RORA: variants seen among roughly 807,000 people sequenced by gnomAD.
RORA encodes RAR related orphan receptor A, also known as nuclear receptor ROR-alpha.
A neutral mutation model predicts 69.5 loss-of-function variants in RORA; 7 were observed. The ratio of observed to expected loss-of-function variants is 0.10; its 90% CI spans 0.06 to 0.19. RORA has a LOEUF of 0.19. Ranked by LOEUF, RORA falls within the 10% of genes least tolerant of loss-of-function variation. The pLI, the probability that RORA is intolerant of heterozygous loss-of-function variation, is 1.00. For synonymous variants in RORA, 261 were observed against 240.8 expected (o/e 1.08, Z -0.78); for missense variants, 457 against 663.0 (o/e 0.69, Z 3.41).
chr15:61,088,013 C>T (rs2078650540), intron 1 of RORA, among the ~76,000 whole-genome samples: 1 of 152,264 alleles, frequency 6.6e-6, no homozygotes, highest in South Asian at 2.1e-4. Flanking sequence ...CAATGCTACA[C>T]AGTTTGAAAC....
At chr15:60,826,789 C>T (rs946376001) in intron 1 of RORA, among the ~76,000 whole-genome samples, 14 of 99,282 alleles carry the variant, frequency 1.4e-4, no homozygotes, top group African/African-American at 4.6e-4. Flanking sequence ...CTCTCTCTCT[C>T]TTTTTTTTTT....
chr15:61,101,177 C>A (rs1031371917), intron 1 of RORA, among the ~76,000 whole-genome samples: 2 of 152,188 alleles, frequency 1.3e-5, no homozygotes, highest in African/African-American at 4.8e-5. Flanking sequence ...AGTCAACCAA[C>A]ATTTAAAATA....
chr15:61,081,351 A>C (rs1386715356), intron 1 of RORA, among the ~76,000 whole-genome samples: 1 of 152,244 alleles, frequency 6.6e-6, no homozygotes, highest in African/African-American at 2.4e-5. Flanking sequence ...AGGGAAATGA[A>C]CTAGATACAG....
At chr15:60,808,389 C>T (rs2072688072) in intron 1 of RORA, among the ~76,000 whole-genome samples, 1 of 151,868 alleles carries the variant, frequency 6.6e-6, no homozygotes, top group Non-Finnish European at 1.5e-5. Context: ...CAAGAATGGA[C>T]ATAATAAAAA....
At position 60,771,743 on chromosome 15, in the gene RORA, A is replaced by C. The variant is rs79025179; in HGVS notation, c.167-93057T>G. On this transcript the variant is annotated intron_variant, in intron 1 of 10. Transcript: ENST00000335670. ...CCCATGGACAAGTGAATAATAAGTA[A>C]TACAAAACACAGTCTTATGTGGGCA... Among the ~76,000 whole-genome samples the C allele has an allele frequency of 1.1e-3, 175 of 152,378 alleles. 2 individuals are homozygous for C. The East Asian group carries it at 0.029, about 25-fold the overall frequency.
intron 1 of RORA, among the ~76,000 whole-genome samples, chr15:60,931,947 C>A (rs1023625443): frequency 3.3e-5 from 5 of 152,120 alleles, no homozygotes; most frequent in African/African-American, 1.2e-4. Context: ...TAATGAAATG[C>A]CAGAAATTAG....
At chr15:61,222,024 A>G (rs1198573775) in intron 1 of RORA, among the ~76,000 whole-genome samples, 1 of 152,190 alleles carries the variant, frequency 6.6e-6, no homozygotes, top group African/African-American at 2.4e-5. Context: ...CATTGTTAAG[A>G]TGATTCTAGG....
intron 1 of RORA, among the ~76,000 whole-genome samples, chr15:60,746,114 C>G (rs1048866946): frequency 1.3e-5 from 2 of 152,160 alleles, no homozygotes; most frequent in Non-Finnish European, 2.9e-5. Flanking sequence ...GTAGGCTAAG[C>G]CTTCGTGGAT....
At chr15:60,837,167 G>A (rs971132849) in intron 1 of RORA, among the ~76,000 whole-genome samples, 7 of 151,502 alleles carry the variant, frequency 4.6e-5, no homozygotes, top group Non-Finnish European at 1.0e-4. Context: ...CCATCATGCC[G>A]CACCCCCTCG....
At chr15:60,512,370 C>T (rs2065729639) in intron 4 of RORA, among the ~76,000 whole-genome samples, 1 of 152,200 alleles carries the variant, frequency 6.6e-6, no homozygotes, top group African/African-American at 2.4e-5. Flanking sequence ...ACTGCAGCCT[C>T]AACCTCCTAA....
At chr15:61,004,719 A>G (rs1381285819) in intron 1 of RORA, among the ~76,000 whole-genome samples, 1 of 152,220 alleles carries the variant, frequency 6.6e-6, no homozygotes, top group Non-Finnish European at 1.5e-5. Flanking sequence ...CCGGGAGTAA[A>G]TAACACTCAG....
At chr15:60,993,644 CAA>C (rs3053932) in intron 1 of RORA, among the ~76,000 whole-genome samples, 1,901 of 82,976 alleles carry the variant, frequency 0.023, 23 homozygotes, top group African/African-American at 0.075. Context: ...CTCTCCATCT[CAA>C]AAAAAAAAAA....
Position 60,763,639 on chromosome 15 carries a change from G to A in RORA, c.167-84953C>T, listed in dbSNP as rs1240840455. On this transcript the variant is annotated intron_variant, in intron 1 of 10. Coordinates refer to ENST00000335670, the MANE Select transcript of RORA (RefSeq NM_134261.3). ...TTTAGCATGAACACAACCTTGCCTC[G>A]GAAAGCATACGTGGGAAAATATGCC... Among the ~76,000 whole-genome samples the A allele has an allele frequency of 8.5e-5, 13 of 152,182 alleles. No homozygotes were observed. The East Asian group carries it at 2.5e-3, about 29-fold the overall frequency.
intron 1 of RORA, among the ~76,000 whole-genome samples, chr15:60,705,505 C>A (rs1051773975): frequency 6.6e-6 from 1 of 152,044 alleles, no homozygotes; most frequent in African/African-American, 2.4e-5. Flanking sequence ...GGCAAAAGGC[C>A]GTAAAATGAA....
At chr15:60,514,381 TCTC>T (rs940112777) in intron 4 of RORA, among the ~76,000 whole-genome samples, 8 of 152,096 alleles carry the variant, frequency 5.3e-5, no homozygotes, top group African/African-American at 1.9e-4. Context: ...ACAAGACACT[TCTC>T]CTCCACACCA....
chr15:60,737,656 T>C (rs576525416), intron 1 of RORA, among the ~76,000 whole-genome samples: 54 of 152,350 alleles, frequency 3.5e-4, no homozygotes, highest in African/African-American at 1.0e-3. Context: ...CAGTTGTCAA[T>C]TTAGAATTAC....
At chr15:60,927,684 G>C (rs1221685195) in intron 1 of RORA, among the ~76,000 whole-genome samples, 1 of 152,170 alleles carries the variant, frequency 6.6e-6, no homozygotes, top group African/African-American at 2.4e-5. Flanking sequence ...TGAGGCATGA[G>C]AATCACTTGA....
intron 1 of RORA, among the ~76,000 whole-genome samples, chr15:60,843,774 C>T (rs896378886): frequency 6.6e-6 from 1 of 152,182 alleles, no homozygotes; most frequent in Non-Finnish European, 1.5e-5. Flanking sequence ...GCAAAGTTCT[C>T]CATTTTGGCA....
intron 1 of RORA, among the ~76,000 whole-genome samples, chr15:61,199,933 G>T (rs374429593): frequency 5.9e-5 from 9 of 152,210 alleles, no homozygotes; most frequent in Non-Finnish European, 1.2e-4. Flanking sequence ...GGTGGAGGGT[G>T]AGAAAGGCCT....
Sources: gnomAD v4.1 joint callset for allele counts (sites outside exome capture counted in the v4.1 genomes callset) on GRCh38, gnomAD v4.1.1 for gene constraint, MANE v1.5 for transcripts, NCBI Gene and HGNC (gene_info 2026-07-23, HGNC 2026-07-21) for gene names.